Variants in PTPRN2 observed in about 807,000 individuals in gnomAD.
The protein encoded by PTPRN2 is receptor-type tyrosine-protein phosphatase N2.
PTPRN2 carries 74 observed loss-of-function variants against 118.8 expected under a neutral mutation model. That is an observed-to-expected ratio of 0.62 (90% CI 0.52 to 0.76). The LOEUF is 0.76. Among genes scored for constraint, PTPRN2 ranks in the 30% least tolerant of loss-of-function variants. The pLI is 0.00. For missense variants in PTPRN2, 1,481 were observed against 1,394.4 expected (o/e 1.06, Z -0.99); for synonymous variants, 641 against 608.0 (o/e 1.05, Z -0.80).
chr7:158,171,149 T>C (rs865828740), intron 5 of PTPRN2, among the ~76,000 whole-genome samples: 11 of 71,728 alleles, frequency 1.5e-4, no homozygotes, highest in East Asian at 1.6e-3. Context: ...CACATATATA[T>C]ACACATATAT....
chr7:157,782,134 C>T (rs1028722704), intron 12 of PTPRN2, among the ~76,000 whole-genome samples: 53 of 152,386 alleles, frequency 3.5e-4, no homozygotes, highest in African/African-American at 1.3e-3. Flanking sequence ...ATGGCTTACC[C>T]AGGCCTCGCC....
intron 13 of PTPRN2, among the ~76,000 whole-genome samples, chr7:157,661,342 G>A (rs1468856013): frequency 3.3e-5 from 5 of 152,284 alleles, no homozygotes; most frequent in African/African-American, 4.8e-5. Flanking sequence ...GACCCGTGGC[G>A]GCAGCTCTTC....
intron 13 of PTPRN2, among the ~76,000 whole-genome samples, chr7:157,668,832 C>T (rs932829753): frequency 2.6e-5 from 4 of 151,978 alleles, no homozygotes; most frequent in African/African-American, 7.3e-5. Context: ...GGGAAAAGGC[C>T]GGGGAAAAAT....
In PTPRN2 at chr7:158,316,855, G is replaced by A. The variant is rs779663542; in HGVS notation, c.241C>T (p.Arg81Cys). 51 of 1,610,210 alleles carry A rather than the reference G, an allele frequency of 3.2e-5. No individual in the cohort carries two copies. Among genetic ancestry groups the A allele is most frequent in the African/African-American group, 5.3e-5 (4 of 74,934 alleles). ...RYEVSPVALQ[R>C]LRVALQKLSG... Reference sequence around the variant, plus strand: ...AGCTTCTGCAACGCCACGCGCAGGCGCTGCAGGGCCACGGGCGACACCTCG... The same window carrying A: ...AGCTTCTGCAACGCCACGCGCAGGCACTGCAGGGCCACGGGCGACACCTCG... Residue 81 changes from arginine to cysteine, a missense_variant, in exon 3 of 23, where the codon CGC becomes TGC. This residue lies in a region of PTPRN2 where 1,115 missense variants were observed against 994.2 expected (regional missense o/e 1.12). Transcript: ENST00000389418.
intron 3 of PTPRN2, among the ~76,000 whole-genome samples, chr7:158,271,567 C>T (rs1326758400): frequency 6.6e-6 from 1 of 152,186 alleles, no homozygotes; most frequent in Non-Finnish European, 1.5e-5. Flanking sequence ...TCTGCAGACA[C>T]TGCTGGCTTT....
intron 1 of PTPRN2, among the ~76,000 whole-genome samples, chr7:158,491,364 T>C (rs1440243070): frequency 6.6e-6 from 1 of 152,146 alleles, no homozygotes; most frequent in East Asian, 1.9e-4. Flanking sequence ...CCCACCACCA[T>C]CGCCTGCCAG....
intron 3 of PTPRN2, among the ~76,000 whole-genome samples, chr7:158,216,902 GACC>G (rs1404316518): frequency 6.6e-6 from 1 of 152,144 alleles, no homozygotes; most frequent in Non-Finnish European, 1.5e-5. Context: ...TGTGTTCTCT[GACC>G]ACAATATAGT....
intron 11 of PTPRN2, among the ~76,000 whole-genome samples, chr7:157,904,882 A>G (rs1176936040): frequency 1.3e-5 from 2 of 151,664 alleles, no homozygotes; most frequent in Admixed American, 1.3e-4. Context: ...GTTGCTTCAG[A>G]TTTTTTTTTA....
At chr7:157,637,062 T>A (rs1223800897) in intron 14 of PTPRN2, among the ~76,000 whole-genome samples, 1 of 152,248 alleles carries the variant, frequency 6.6e-6, no homozygotes, top group East Asian at 1.9e-4. Context: ...AAATATTTGT[T>A]CTACAACATT....
In PTPRN2 at chr7:157,611,005, C is replaced by T. The variant is rs1222890239; in HGVS notation, c.2345-6930G>A. 6.6e-6 allele frequency among the ~76,000 whole-genome samples: 1 copy of T among 152,184 alleles called. No homozygotes were observed. Among genetic ancestry groups the T allele is most frequent in the African/African-American group, 2.4e-5 (1 of 41,432 alleles). ...CATATCCAGAAAGCCCTGCTACATCCAGAGATGGTCATGAAAATGAGACCT... is the reference window on the plus strand; with the variant it reads ...CATATCCAGAAAGCCCTGCTACATCTAGAGATGGTCATGAAAATGAGACCT... On this transcript the variant is annotated intron_variant, in intron 15 of 22. Transcript: ENST00000389418. The surrounding 1 kb of genome is among the most constrained non-coding windows in gnomAD (Gnocchi z 5.9).
chr7:157,932,083 T>C (rs1799392471), intron 11 of PTPRN2, among the ~76,000 whole-genome samples: 1 of 152,258 alleles, frequency 6.6e-6, no homozygotes, highest in South Asian at 2.1e-4. Flanking sequence ...TCTATATTTA[T>C]ATTTACACTG....
chr7:157,897,235 C>T (rs9942660), intron 12 of PTPRN2, among the ~76,000 whole-genome samples: 47,167 of 151,922 alleles, frequency 0.31, 7,496 homozygotes, highest in East Asian at 0.48. Flanking sequence ...TCCTTGTACA[C>T]GCAGGAGACG....
At chr7:158,576,383 T>A (rs1457168801) in intron 1 of PTPRN2, among the ~76,000 whole-genome samples, 6 of 152,216 alleles carry the variant, frequency 3.9e-5, no homozygotes, top group Non-Finnish European at 8.8e-5. Context: ...AAGCCTTTTT[T>A]AAGCACATTC....
intron 11 of PTPRN2, among the ~76,000 whole-genome samples, chr7:158,005,696 G>C (rs143265067): frequency 2.7e-3 from 409 of 152,332 alleles, no homozygotes; most frequent in Non-Finnish European, 4.3e-3. Context: ...TGCACAGCTG[G>C]AGAAGGCTCA....
At chr7:158,468,289 T>C (rs1411017215) in intron 2 of PTPRN2, among the ~76,000 whole-genome samples, 2 of 152,232 alleles carry the variant, frequency 1.3e-5, no homozygotes, top group East Asian at 1.9e-4. Context: ...ATAGAAGTAA[T>C]AATGAGGAAA....
rs780066954 is a variant in PTPRN2, at chr7:158,205,226, G to A, written c.325C>T (p.Leu109Phe). The A allele has an allele frequency of 8.7e-6, 14 of 1,614,044 alleles. No homozygotes were observed. The highest frequency in any genetic ancestry group is 2.7e-5 in the African/African-American group (2 of 74,916). Reference sequence around the variant, plus strand: ...AGGTAGGTTTTCGGGAGGTCTGCAAGTTCCTGGTCCATCACATACTGAGTA... The same window carrying A: ...AGGTAGGTTTTCGGGAGGTCTGCAAATTCCTGGTCCATCACATACTGAGTA... ...DYTQYVMDQE[L>F]ADLPKTYLRR... The change falls in exon 4 of 23, where the codon CTT (leucine) becomes TTT (phenylalanine). Residue 109 changes from leucine to phenylalanine, a missense_variant. By Grantham distance (22) the Leu-to-Phe change is conservative. Coordinates refer to ENST00000389418, the MANE Select transcript of PTPRN2 (RefSeq NM_002847.5).
intron 11 of PTPRN2, among the ~76,000 whole-genome samples, chr7:158,071,384 C>CGTGGTGGAGGTGCTCCTG (rs1811551224): frequency 3.6e-5 from 1 of 27,966 alleles, no homozygotes; most frequent in South Asian, 1.9e-3. Context: ...TGGAGGTGCT[C>CGTGGTGGAGGTGCTCCTG]GTGGTGGAGG....
chr7:158,173,076 T>C (rs1171158598), intron 5 of PTPRN2, among the ~76,000 whole-genome samples: 1 of 146,274 alleles, frequency 6.8e-6, no homozygotes, highest in Non-Finnish European at 1.5e-5. Flanking sequence ...ATCTCCACTA[T>C]CTCCACCATC....
intron 9 of PTPRN2, among the ~76,000 whole-genome samples, chr7:158,127,523 G>A (rs988420655): frequency 6.6e-6 from 1 of 152,174 alleles, no homozygotes; most frequent in Admixed American, 6.5e-5. Flanking sequence ...CGTGGGTCAA[G>A]GGCCCAGGCC....
Sources: allele counts gnomAD v4.1 joint callset (sites outside exome capture counted in the v4.1 genomes callset), GRCh38; gene constraint gnomAD v4.1.1; regional missense constraint gnomAD v4.1.1; non-coding constraint Gnocchi (gnomAD v3.1); transcripts MANE v1.5; gene names NCBI Gene and HGNC (gene_info 2026-07-23, HGNC 2026-07-21).